The following CWF19L2 variants were observed in gnomAD, a reference collection of about 807,000 sequenced individuals.
CWF19L2 encodes CWF19 like cell cycle control factor 2, also known as CWF19-like protein 2.
CWF19L2 carries 98 observed loss-of-function variants against 111.7 expected under a neutral mutation model. The ratio of observed to expected loss-of-function variants is 0.88; its 90% CI spans 0.75 to 1.04. The LOEUF is 1.04. Among genes scored for constraint, CWF19L2 ranks in the 50% least tolerant of loss-of-function variants. The pLI is 0.00. For synonymous variants in CWF19L2, 351 were observed against 342.9 expected (o/e 1.02, Z -0.26); for missense variants, 1,101 against 1,051.4 (o/e 1.05, Z -0.65).
At chr11:107,385,434 G>A (rs536659554) in intron 12 of CWF19L2, among the ~76,000 whole-genome samples, 1 of 151,636 alleles carries the variant, frequency 6.6e-6, no homozygotes, top group Non-Finnish European at 1.5e-5. Context: ...TTAAAAGTCT[G>A]GACTGAATGT....
intron 1 of CWF19L2, among the ~76,000 whole-genome samples, chr11:107,456,126 G>A (rs1473033183): frequency 1.3e-5 from 2 of 152,074 alleles, no homozygotes; most frequent in Non-Finnish European, 2.9e-5. Context: ...ACTGCCTTAA[G>A]ACTTTTGCAA....
At chr11:107,341,165 T>C (rs1267215617) in intron 14 of CWF19L2, among the ~76,000 whole-genome samples, 1 of 152,236 alleles carries the variant, frequency 6.6e-6, no homozygotes, top group Non-Finnish European at 1.5e-5. Flanking sequence ...TTTTTGTTTT[T>C]GATTTCTCTG....
chr11:107,347,203 C>T (rs145759365), intron 14 of CWF19L2, among the ~76,000 whole-genome samples: 14 of 152,214 alleles, frequency 9.2e-5, no homozygotes, highest in South Asian at 4.2e-4. Context: ...AAAACATCTT[C>T]GCATTTTCTA....
chr11:107,360,873 G>A (rs146688586), intron 12 of CWF19L2, among the ~76,000 whole-genome samples: 264 of 152,192 alleles, frequency 1.7e-3, no homozygotes, highest in Middle Eastern at 6.8e-3. Flanking sequence ...GTATATTCTT[G>A]GATATTAGAC....
Position 107,359,245 on chromosome 11 carries a change from G to C in CWF19L2, c.1873-5509C>G, listed in dbSNP as rs530799102. ...AACAGGCCGCTTCCATCCTGGAAGG[G>C]GCAGTGCTTTCTTCTTACTGGAATA... On this transcript the variant is annotated intron_variant, in intron 12 of 17. Transcript: ENST00000282251. 2.8e-4 allele frequency among the ~76,000 whole-genome samples: 42 copies of C among 152,256 alleles called. 2 individuals carry two copies. In the South Asian group the frequency reaches 8.3e-3, roughly 30 times the overall value.
chr11:107,404,775 T>G (rs2135388058), intron 10 of CWF19L2, among the ~76,000 whole-genome samples: 1 of 152,304 alleles, frequency 6.6e-6, no homozygotes, highest in East Asian at 1.9e-4. Context: ...ATAAATGAAA[T>G]GAACAAGCTG....
At chr11:107,351,103 T>C (rs1860150491) in intron 13 of CWF19L2, among the ~76,000 whole-genome samples, 1 of 147,312 alleles carries the variant, frequency 6.8e-6, no homozygotes, top group Non-Finnish European at 1.5e-5. Context: ...CACTTGCTAC[T>C]GTATAGAGAA....
chr11:107,440,119 CAAGCA>C (rs1861601209), intron 5 of CWF19L2, among the ~76,000 whole-genome samples: 1 of 152,088 alleles, frequency 6.6e-6, no homozygotes, highest in African/African-American at 2.4e-5. Flanking sequence ...GAAAGACAAT[CAAGCA>C]ATATAAATAT....
intron 10 of CWF19L2, among the ~76,000 whole-genome samples, chr11:107,393,951 G>A (rs528479676): frequency 5.8e-4 from 88 of 151,916 alleles, no homozygotes; most frequent in Non-Finnish European, 1.1e-3. Flanking sequence ...TCAGGTGATG[G>A]GTAGAAGCCC....
intron 12 of CWF19L2, among the ~76,000 whole-genome samples, chr11:107,355,748 G>T (rs1278013078): frequency 6.6e-6 from 1 of 152,124 alleles, no homozygotes; most frequent in East Asian, 1.9e-4. Context: ...CAAAAAACTT[G>T]ATAGAACTGC....
intron 6 of CWF19L2, among the ~76,000 whole-genome samples, 156 bp downstream of exon 6, chr11:107,438,934 G>A (rs978416282): frequency 6.6e-6 from 1 of 150,678 alleles, no homozygotes; most frequent in Admixed American, 6.6e-5. Flanking sequence ...CAACTACTTG[G>A]GAGGCTGAGG....
At position 107,383,132 on chromosome 11, in the gene CWF19L2, C is replaced by T. The variant is rs548140021; in HGVS notation, c.1872+6942G>A. 7.2e-5 allele frequency among the ~76,000 whole-genome samples: 11 copies of T among 152,318 alleles called. No homozygotes were observed. In the East Asian group the frequency reaches 2.1e-3, roughly 29 times the overall value. ...TGTAATTTAAGTGTTTCCCTGAATT[C>T]TGTGAGCTGTTCCAGCAAATTAATC... On this transcript the variant is annotated intron_variant, in intron 12 of 17. Coordinates refer to ENST00000282251, the MANE Select transcript of CWF19L2 (RefSeq NM_152434.3).
chr11:107,355,110 A>C (rs2134548283), intron 12 of CWF19L2, among the ~76,000 whole-genome samples: 1 of 152,310 alleles, frequency 6.6e-6, no homozygotes, highest in East Asian at 1.9e-4. Flanking sequence ...GAAGTATTAA[A>C]GTACTAAGTA....
chr11:107,362,277 A>T (rs913316674), intron 12 of CWF19L2, among the ~76,000 whole-genome samples: 10 of 152,098 alleles, frequency 6.6e-5, no homozygotes, highest in African/African-American at 2.4e-4. Flanking sequence ...AGGCTTGCTT[A>T]GGTAAACAAA....
intron 10 of CWF19L2, among the ~76,000 whole-genome samples, chr11:107,410,786 C>T (rs917880803): frequency 7.2e-5 from 11 of 152,074 alleles, no homozygotes; most frequent in Non-Finnish European, 1.5e-4. Flanking sequence ...TGTTCCAAGC[C>T]GCAAACCAGC....
At chr11:107,337,405 G>A (rs955726671) in intron 14 of CWF19L2, among the ~76,000 whole-genome samples, 1 of 111,302 alleles carries the variant, frequency 9.0e-6, no homozygotes, top group Non-Finnish European at 1.9e-5. Flanking sequence ...GTGTGTGTGT[G>A]TGTGTATTTC....
intron 17 of CWF19L2, among the ~76,000 whole-genome samples, chr11:107,327,405 C>T (rs984195700): frequency 3.3e-5 from 5 of 152,100 alleles, no homozygotes; most frequent in African/African-American, 1.2e-4. Flanking sequence ...AAATGTTAAT[C>T]AACTTCTAGC....
intron 12 of CWF19L2, among the ~76,000 whole-genome samples, chr11:107,386,988 A>C (rs1338346485): frequency 2.0e-5 from 3 of 151,170 alleles, no homozygotes; most frequent in Non-Finnish European, 4.4e-5. Context: ...CAGAAGGCGG[A>C]GGTTGCAATG....
intron 8 of CWF19L2, among the ~76,000 whole-genome samples, chr11:107,427,845 A>C (rs1441262866): frequency 1.3e-5 from 2 of 152,070 alleles, no homozygotes; most frequent in Non-Finnish European, 2.9e-5. Context: ...ACTGGGGCTT[A>C]ATCACTCAGT....
Sources: allele counts gnomAD v4.1 joint callset (sites outside exome capture counted in the v4.1 genomes callset), GRCh38; gene constraint gnomAD v4.1.1; transcripts MANE v1.5; gene names NCBI Gene and HGNC (gene_info 2026-07-23, HGNC 2026-07-21).